Variants in C10orf53 observed in about 807,000 individuals in gnomAD.
C10orf53 encodes the protein chromosome 10 open reading frame 53.
Under a neutral mutation model 9.4 loss-of-function variants are expected in C10orf53, and 8 were observed. The ratio of observed to expected loss-of-function variants is 0.85; its 90% CI spans 0.50 to 1.53. The LOEUF is 1.53. Among genes scored for constraint, C10orf53 ranks in the 40% most tolerant of loss-of-function variants. The pLI, the probability that C10orf53 is intolerant of heterozygous loss-of-function variation, is 0.00. For synonymous variants in C10orf53, 48 were observed against 46.0 expected (o/e 1.04, Z -0.18); for missense variants, 117 against 117.8 (o/e 0.99, Z 0.03).
chr10:49,694,073 C>A, intron 2 of C10orf53, 180 bp downstream of exon 2: 1 of 790,270 alleles, frequency 1.3e-6, no homozygotes, highest in Non-Finnish European at 2.0e-6. Flanking sequence ...TCCAAAACCA[C>A]ACAGTAAAGT....
chr10:49,694,491 A>C, intron 2 of C10orf53, 47 bp from the exon 3 acceptor site: 1 of 1,611,688 alleles, frequency 6.2e-7, no homozygotes, highest in Non-Finnish European at 8.5e-7. Flanking sequence ...TATGATAACA[A>C]ATTGTATATA....
intron 1 of C10orf53, among the ~76,000 whole-genome samples, chr10:49,681,416 G>A (rs1840478051): frequency 6.6e-6 from 1 of 152,208 alleles, no homozygotes; most frequent in African/African-American, 2.4e-5. Context: ...ATCAGGGAAA[G>A]CCTCCTGGAA....
intron 2 of C10orf53, among the ~76,000 whole-genome samples, chr10:49,705,648 A>G (rs1320383538): frequency 6.6e-6 from 1 of 152,224 alleles, no homozygotes; most frequent in African/African-American, 2.4e-5. Context: ...GAAGACCTAT[A>G]TGTAAGAGCC....
rs1015000955 is a variant in C10orf53, at chr10:49,695,934, G to A, written c.*1332G>A. 6.6e-6 allele frequency: 1 copy of A among 152,040 alleles called. No homozygotes were observed. The highest frequency in any genetic ancestry group is 1.5e-5 in the Non-Finnish European group (1 of 68,002). 9.4% of individuals were successfully genotyped at this position (152,040 alleles called of 1,614,324 possible). A position where few individuals can be genotyped will look rare whatever the true frequency, so the allele number is the denominator to read the frequency against. On this transcript the variant is annotated 3_prime_UTR_variant, in exon 3 of 3. Coordinates refer to ENST00000374111, the MANE Select transcript of C10orf53 (RefSeq NM_001042427.3). ...CCCAGTTTAAGTTACTATAGATGTA[G>A]CATTCAATCTTTGTTTCAATATAAC...
At chr10:49,690,015 A>T (rs1840568447) in intron 1 of C10orf53, among the ~76,000 whole-genome samples, 1 of 152,162 alleles carries the variant, frequency 6.6e-6, no homozygotes, top group African/African-American at 2.4e-5. Flanking sequence ...TGAATGTGCG[A>T]TGGTTTCCTG....
intron 1 of C10orf53, among the ~76,000 whole-genome samples, chr10:49,692,690 G>A (rs762054516): frequency 9.2e-5 from 14 of 152,128 alleles, no homozygotes; most frequent in Non-Finnish European, 1.3e-4. Flanking sequence ...CAGGAAAGTG[G>A]GGAGAAATAC....
chr10:49,699,900 C>CG (rs966438534), downstream of C10orf53, among the ~76,000 whole-genome samples: 100 of 151,764 alleles, frequency 6.6e-4, no homozygotes, highest in African/African-American at 2.7e-4. Flanking sequence ...CTCATCCCCC[C>CG]CGAGATCAGG....
chr10:49,709,500 G>T (rs138824542), exon 3 of C10orf53: 2 of 152,420 alleles, frequency 1.3e-5, no homozygotes, highest in Non-Finnish European at 2.9e-5. Flanking sequence ...TATCCAGCCT[G>T]CTTCTCCAGC....
chr10:49,681,531 T>C (rs570710484), intron 1 of C10orf53, among the ~76,000 whole-genome samples: 1 of 152,332 alleles, frequency 6.6e-6, no homozygotes, highest in South Asian at 2.1e-4. Flanking sequence ...CTGTTGCAAA[T>C]ACCTCCATGT....
intron 1 of C10orf53, among the ~76,000 whole-genome samples, chr10:49,689,780 G>A (rs1027470175): frequency 1.3e-5 from 2 of 152,096 alleles, no homozygotes; most frequent in Non-Finnish European, 2.9e-5. Flanking sequence ...TACTGCCACT[G>A]AAAAAGACAG....
chr10:49,696,619 G>A lies in C10orf53; in HGVS notation c.*2017G>A, dbSNP rs999066999. On this transcript the variant is annotated 3_prime_UTR_variant, in exon 3 of 3. Transcript: ENST00000374111. ...GGGCAGGTAAGGCGAGACAGTACAC[G>A]GATTCTAAGAAATACCGGAGAAGCT... Among the ~76,000 whole-genome samples the A allele has an allele frequency of 1.3e-5, 2 of 152,134 alleles. No individual in the cohort carries two copies. Among genetic ancestry groups the A allele is most frequent in the African/African-American group, 2.4e-5 (1 of 41,418 alleles).
intron 1 of C10orf53, among the ~76,000 whole-genome samples, chr10:49,683,996 C>T (rs949948207): frequency 5.3e-5 from 8 of 152,152 alleles, no homozygotes; most frequent in Non-Finnish European, 1.0e-4. Flanking sequence ...GATCTTTGAT[C>T]CATTTTGAGT....
At chr10:49,709,862 C>G (rs1840750135) in exon 3 of C10orf53, 2 of 152,684 alleles carry the variant, frequency 1.3e-5, no homozygotes, top group African/African-American at 2.4e-5. Flanking sequence ...TCCCTTCTCT[C>G]CCAGCAGAAC....
At chr10:49,685,482 A>G (rs1840519823) in intron 1 of C10orf53, among the ~76,000 whole-genome samples, 1 of 152,128 alleles carries the variant, frequency 6.6e-6, no homozygotes, top group African/African-American at 2.4e-5. Context: ...TCAAGACTTA[A>G]GTTCACTGTG....
At chr10:49,682,329 C>T (rs954687784) in intron 1 of C10orf53, among the ~76,000 whole-genome samples, 2 of 152,110 alleles carry the variant, frequency 1.3e-5, no homozygotes, top group Non-Finnish European at 1.5e-5. Flanking sequence ...AGCCAGGGAC[C>T]TCGCGGTGAG....
chr10:49,701,575 A>G (rs1840683473), downstream of C10orf53, among the ~76,000 whole-genome samples: 1 of 152,160 alleles, frequency 6.6e-6, no homozygotes, highest in South Asian at 2.1e-4. Flanking sequence ...CAGTTCCTCA[A>G]AGTAAACCAT....
intron 1 of C10orf53, among the ~76,000 whole-genome samples, chr10:49,683,328 G>A (rs1255637411): frequency 6.6e-6 from 1 of 152,206 alleles, no homozygotes; most frequent in African/African-American, 2.4e-5. Flanking sequence ...TGTCTATGGA[G>A]AAATGTCTGT....
intron 1 of C10orf53, among the ~76,000 whole-genome samples, chr10:49,683,825 G>A (rs987136634): frequency 6.6e-6 from 1 of 152,186 alleles, no homozygotes; most frequent in Non-Finnish European, 1.5e-5. Context: ...GAGCCCTGGA[G>A]GCCGAGGTTG....
chr10:49,684,128 G>A (rs1205265183), intron 1 of C10orf53, among the ~76,000 whole-genome samples: 1 of 152,078 alleles, frequency 6.6e-6, no homozygotes, highest in Non-Finnish European at 1.5e-5. Flanking sequence ...AATGGTCTTC[G>A]CACCCATGTC....
Sources: gnomAD v4.1 joint callset for allele counts (sites outside exome capture counted in the v4.1 genomes callset) on GRCh38, gnomAD v4.1.1 for gene constraint, MANE v1.5 for transcripts, NCBI Gene and HGNC (gene_info 2026-07-23, HGNC 2026-07-21) for gene names.